Variants in MIPEP observed in about 807,000 individuals in gnomAD.
MIPEP encodes the protein mitochondrial intermediate peptidase.
A neutral mutation model predicts 90.3 loss-of-function variants in MIPEP; 79 were observed. That is an observed-to-expected ratio of 0.87 (90% confidence interval 0.73 to 1.05). MIPEP has a LOEUF of 1.05. Ranked by LOEUF, MIPEP falls within the 50% of genes least tolerant of loss-of-function variation. The pLI, the probability that MIPEP is intolerant of heterozygous loss-of-function variation, is 0.00. For synonymous variants in MIPEP, 334 were observed against 315.8 expected, an observed-to-expected ratio of 1.06 and a Z score of -0.61; for missense variants, 940 against 905.6, an observed-to-expected ratio of 1.04 and a Z score of -0.49.
chr13:23,815,971 T>G (rs372591203), intron 14 of MIPEP, among the ~76,000 whole-genome samples: 3 of 152,336 alleles, frequency 2.0e-5, no homozygotes, highest in Non-Finnish European at 4.4e-5. Context: ...ATGTATCTCA[T>G]GCTATAAGTC....
chr13:23,797,821 C>A (rs1952979875), intron 16 of MIPEP, among the ~76,000 whole-genome samples: 1 of 152,240 alleles, frequency 6.6e-6, no homozygotes, highest in African/African-American at 2.4e-5. Flanking sequence ...GTATACGCAT[C>A]AGAATGTCTC....
rs1287549727 is a variant in MIPEP, at chr13:23,778,576, A to G, written c.1849-18359T>C. ...ATGCTGAACACACAGATTCCCATCA[A>G]TTTTGGTCTATTTGTTTTTCTTGCT... On this transcript the variant is annotated intron_variant, in intron 16 of 18. Coordinates refer to ENST00000382172, the MANE Select transcript of MIPEP (RefSeq NM_005932.4). 3.3e-5 allele frequency among the ~76,000 whole-genome samples: 5 copies of G among 152,256 alleles called. No homozygotes were observed. In the East Asian group the frequency reaches 9.7e-4, roughly 29 times the overall value.
chr13:23,831,142 C>A (rs1404928265), intron 14 of MIPEP, among the ~76,000 whole-genome samples: 1 of 152,064 alleles, frequency 6.6e-6, no homozygotes, highest in African/African-American at 2.4e-5. Context: ...AAAATTCAGT[C>A]TGAGAAAGTG....
chr13:23,756,733 T>C, intron 17 of MIPEP, 115 bp from the exon 18 acceptor site: 1 of 957,238 alleles, frequency 1.0e-6, no homozygotes, highest in Non-Finnish European at 1.6e-6. Context: ...TGCCACCATG[T>C]GACAATTTGG....
At chr13:23,738,580 T>C (rs925669181) in intron 18 of MIPEP, among the ~76,000 whole-genome samples, 4 of 151,818 alleles carry the variant, frequency 2.6e-5, no homozygotes, top group African/African-American at 9.7e-5. Context: ...CTTCCTCAGC[T>C]GGGACTATAG....
chr13:23,870,226 A>T, intron 5 of MIPEP, 31 bp from the exon 6 acceptor site: 2 of 1,433,212 alleles, frequency 1.4e-6, no homozygotes, highest in Non-Finnish European at 1.9e-6. Flanking sequence ...AGTTATTTAA[A>T]GGCGTTTTGA....
intron 16 of MIPEP, among the ~76,000 whole-genome samples, chr13:23,792,658 G>A (rs1490955439): frequency 2.0e-5 from 3 of 152,212 alleles, no homozygotes; most frequent in African/African-American, 4.8e-5. Context: ...ATGTCTGGCC[G>A]TCTTCTCCAT....
chr13:23,737,953 G>A (rs1952282849), intron 18 of MIPEP, among the ~76,000 whole-genome samples: 1 of 152,162 alleles, frequency 6.6e-6, no homozygotes, highest in Admixed American at 6.6e-5. Flanking sequence ...TATATTGCTT[G>A]ACACCAAGCA....
intron 16 of MIPEP, among the ~76,000 whole-genome samples, chr13:23,774,874 G>A (rs1952695859): frequency 2.2e-5 from 3 of 136,980 alleles, no homozygotes; most frequent in African/African-American, 2.8e-5. Context: ...GGCTCACTGC[G>A]GCCTCTGCCT....
At position 23,870,078 on chromosome 13, in the gene MIPEP, T is replaced by G; in HGVS notation, c.721A>C (p.Asn241His). ...ATATGATCCCCAGCAGATGTAAAGT[T>G]ACGACGAATGTGTTCTGGTAAGAGA... ...KHLLPEHIRRNFTSAGDHIII... is the reference protein window; with the variant it reads ...KHLLPEHIRRHFTSAGDHIII... The change falls in exon 6 of 19, where the codon AAC (asparagine) becomes CAC (histidine). Residue 241 changes from asparagine to histidine, a missense_variant. Asn to His is a moderately conservative substitution (Grantham distance 68). Transcript: ENST00000382172. 2 of 1,613,038 alleles carry G rather than the reference T, an allele frequency of 1.2e-6. No individual in the cohort carries two copies. Among genetic ancestry groups the G allele is most frequent in the South Asian group, 1.1e-5 (1 of 90,906 alleles).
At chr13:23,848,921 G>C (rs532963103) in intron 10 of MIPEP, among the ~76,000 whole-genome samples, 1 of 152,330 alleles carries the variant, frequency 6.6e-6, no homozygotes, top group East Asian at 1.9e-4. Flanking sequence ...AAAAGCTACA[G>C]GGTGTTTCCC....
At chr13:23,867,247 T>C (rs1870582482) in intron 7 of MIPEP, among the ~76,000 whole-genome samples, 7 of 152,234 alleles carry the variant, frequency 4.6e-5, no homozygotes, top group Admixed American at 2.6e-4. Flanking sequence ...GCCACTCTCC[T>C]TGCACACGCT....
chr13:23,759,703 T>A (rs1273222313), intron 17 of MIPEP, among the ~76,000 whole-genome samples: 1 of 152,184 alleles, frequency 6.6e-6, no homozygotes, highest in Non-Finnish European at 1.5e-5. Context: ...GCCTCTCCAG[T>A]GCCTTGTTTT....
At chr13:23,843,925 G>A (rs559732062) in intron 10 of MIPEP, among the ~76,000 whole-genome samples, 2 of 152,120 alleles carry the variant, frequency 1.3e-5, no homozygotes, top group Admixed American at 6.5e-5. Context: ...TGAATCAGCC[G>A]GCACAATGAA....
intron 15 of MIPEP, 67 bp downstream of exon 15, chr13:23,809,783 A>C: frequency 2.1e-6 from 2 of 948,158 alleles, no homozygotes; most frequent in Non-Finnish European, 3.3e-6. Flanking sequence ...ATTGGCAAGA[A>C]TGTAAAGTTA....
intron 14 of MIPEP, among the ~76,000 whole-genome samples, chr13:23,834,536 G>A (rs896048371): frequency 6.6e-6 from 1 of 152,256 alleles, no homozygotes; most frequent in Non-Finnish European, 1.5e-5. Flanking sequence ...TGGATGCTGA[G>A]AATGCAGACT....
At chr13:23,787,723 T>A (rs1462485423) in intron 16 of MIPEP, among the ~76,000 whole-genome samples, 2 of 152,210 alleles carry the variant, frequency 1.3e-5, no homozygotes, top group Non-Finnish European at 2.9e-5. Context: ...AGAATATCTC[T>A]TTTAGGATGC....
intron 16 of MIPEP, among the ~76,000 whole-genome samples, chr13:23,793,555 C>T (rs1053205209): frequency 6.6e-6 from 1 of 151,976 alleles, no homozygotes; most frequent in African/African-American, 2.4e-5. Context: ...AAACATTTCT[C>T]AGTAAATATT....
chr13:23,749,329 T>C (rs1224708546), intron 18 of MIPEP, among the ~76,000 whole-genome samples: 3 of 152,182 alleles, frequency 2.0e-5, no homozygotes, highest in Non-Finnish European at 2.9e-5. Context: ...GCACTAAGCA[T>C]GTTTTGCCTA....
Sources: gnomAD v4.1 joint callset for allele counts (sites outside exome capture counted in the v4.1 genomes callset) on GRCh38, gnomAD v4.1.1 for gene constraint, MANE v1.5 for transcripts, NCBI Gene and HGNC (gene_info 2026-07-23, HGNC 2026-07-21) for gene names.